The following NAIF1 variants were observed in gnomAD, a reference collection of about 807,000 sequenced individuals.
The protein encoded by NAIF1 is nuclear apoptosis-inducing factor 1.
A neutral mutation model predicts 20.7 loss-of-function variants in NAIF1; 14 were observed. The ratio of observed to expected loss-of-function variants is 0.67; its 90% CI spans 0.45 to 1.05. The LOEUF is 1.05. NAIF1 is among the 50% of genes least tolerant of loss of function. The pLI is 0.00. For missense variants in NAIF1, 362 were observed against 448.8 expected, an observed-to-expected ratio of 0.81 and a Z score of 1.75; for synonymous variants, 191 against 191.4, an observed-to-expected ratio of 1.00 and a Z score of 0.02.
chr9:128,064,935 A>G (rs756331236), intron 1 of NAIF1, among the ~76,000 whole-genome samples: 8 of 151,162 alleles, frequency 5.3e-5, no homozygotes, highest in Non-Finnish European at 1.0e-4. Context: ...ATGCCATTGC[A>G]CTCCAGCCTG....
At chr9:128,065,963 A>C (rs558071328) in intron 1 of NAIF1, among the ~76,000 whole-genome samples, 1 of 152,224 alleles carries the variant, frequency 6.6e-6, no homozygotes, top group African/African-American at 2.4e-5. Context: ...ACTGATGGCG[A>C]AGCTATTCCT....
In NAIF1 at chr9:128,063,534, A is replaced by G; in HGVS notation, c.878T>C (p.Ile293Thr). 1 of 1,610,404 alleles carries G rather than the reference A, an allele frequency of 6.2e-7. No individual in the cohort carries two copies. The highest frequency in any genetic ancestry group is 8.5e-7 in the Non-Finnish European group (1 of 1,180,008). Reference sequence around the variant, plus strand: ...CTGCAGGTAGCGGCGGAAATCTTTGATCATAGGCCGGAGGACCTGGATGAG... The same window carrying G: ...CTGCAGGTAGCGGCGGAAATCTTTGGTCATAGGCCGGAGGACCTGGATGAG... ...SVLIQVLRPM[I>T]KDFRRYLQSN... is the part of the protein sequence containing the mutation. Residue 293 changes from isoleucine to threonine, a missense_variant, in exon 2 of 2, where the codon ATC becomes ACC. By Grantham distance (89) the Ile-to-Thr change is moderately conservative (BLOSUM62 -1). Transcript: ENST00000373078. The surrounding 1 kb of genome is among the most constrained non-coding windows in gnomAD (Gnocchi z 4.3).
At chr9:128,065,132 G>C (rs1443860969) in intron 1 of NAIF1, among the ~76,000 whole-genome samples, 1 of 132,366 alleles carries the variant, frequency 7.6e-6, no homozygotes, top group Admixed American at 8.2e-5. Flanking sequence ...TTTTTGAGAC[G>C]GAGTTTTGCT....
In NAIF1 at chr9:128,063,213, G is replaced by A. The variant is rs915579872; in HGVS notation, c.*215C>T. The A allele has an allele frequency of 2.1e-5, 12 of 583,716 alleles. No homozygotes were observed. Among genetic ancestry groups the A allele is most frequent in the Non-Finnish European group, 3.7e-5 (12 of 328,088 alleles). The allele number at this position is 583,716 out of a possible 1,614,324, so 36.2% of individuals were successfully genotyped here. The stretch of plus-strand genomic sequence containing the variant: ...TGACCCCCTGCTAACCAATCTTCTG[G>A]ATCTTAGCAAGGCAGCTCAAGTAGG... On this transcript the variant is annotated 3_prime_UTR_variant, in exon 2 of 2. Coordinates refer to ENST00000373078, the MANE Select transcript of NAIF1 (RefSeq NM_197956.4). The surrounding 1 kb of genome is among the most constrained non-coding windows in gnomAD (Gnocchi z 4.3).
In NAIF1 at chr9:128,063,204, A is replaced by C. The variant is rs1268203677; in HGVS notation, c.*224T>G. On this transcript the variant is annotated 3_prime_UTR_variant, in exon 2 of 2. Coordinates refer to ENST00000373078, the MANE Select transcript of NAIF1 (RefSeq NM_197956.4). This position sits in a 1 kb window ranked among gnomAD's most constrained non-coding sequence, Gnocchi z 4.3. Reference sequence around the variant, plus strand: ...ATGCACACGTGACCCCCTGCTAACCAATCTTCTGGATCTTAGCAAGGCAGC... The same window carrying C: ...ATGCACACGTGACCCCCTGCTAACCCATCTTCTGGATCTTAGCAAGGCAGC... 1 of 576,310 alleles carries C rather than the reference A, an allele frequency of 1.7e-6. No homozygotes were observed. The highest frequency in any genetic ancestry group is 1.9e-5 in the African/African-American group (1 of 53,476). The allele number at this position is 576,310 out of a possible 1,614,324, so 35.7% of individuals were successfully genotyped here.
In NAIF1 at chr9:128,061,819, T is replaced by C. The variant is rs1489308204; in HGVS notation, c.*1609A>G. ...GAGATGCAAGGGCCTTGGTAATTGA[T>C]GGTGAGTCTGAAAATGAAACAGACA... On this transcript the variant is annotated 3_prime_UTR_variant, in exon 2 of 2. Transcript: ENST00000373078. 1 of 152,130 alleles carries C rather than the reference T, an allele frequency of 6.6e-6. No homozygotes were observed. The highest frequency in any genetic ancestry group is 1.5e-5 in the Non-Finnish European group (1 of 68,036). 9.4% of individuals were successfully genotyped at this position (152,130 alleles called of 1,614,324 possible).
Position 128,063,541 on chromosome 9 carries a change from G to T in NAIF1, c.871C>A (p.Pro291Thr), listed in dbSNP as rs201811935. 2 of 1,610,718 alleles carry T rather than the reference G, an allele frequency of 1.2e-6. No homozygotes were observed. Among genetic ancestry groups the T allele is most frequent in the East Asian group, 2.2e-5 (1 of 44,884 alleles). The stretch of plus-strand genomic sequence containing the variant: ...TAGCGGCGGAAATCTTTGATCATAG[G>T]CCGGAGGACCTGGATGAGGACGCTC... ...ALSVLIQVLRPMIKDFRRYLQ... is the reference protein window; with the variant it reads ...ALSVLIQVLRTMIKDFRRYLQ... The change falls in exon 2 of 2, where the codon CCT (proline) becomes ACT (threonine). Residue 291 changes from proline to threonine, a missense_variant. This residue lies in a region of NAIF1 where 300 missense variants were observed against 342.7 expected (regional missense o/e 0.88). Transcript: ENST00000373078. The surrounding 1 kb of genome is among the most constrained non-coding windows in gnomAD (Gnocchi z 4.3).
rs531413208 is a variant in NAIF1, at chr9:128,065,110, C to CTTT, written c.512-1213_512-1211dup. Among the ~76,000 whole-genome samples the CTTT allele has an allele frequency of 1.8e-4, 24 of 130,392 alleles. 2 individuals are homozygous for CTTT. The highest frequency in any genetic ancestry group is 4.0e-4 in the African/African-American group (14 of 35,006). The allele number at this position is 130,392 out of a possible 152,430, so 85.5% of individuals were successfully genotyped here. On this transcript the variant is annotated intron_variant, in intron 1 of 1. Coordinates refer to ENST00000373078, the MANE Select transcript of NAIF1 (RefSeq NM_197956.4). ...GTCCTACCTCCTTTGATGCTTTCTG[C>CTTT]TTTTTTTTTTTTTTTTGAGACGGAG...
chr9:128,064,674 C>T (rs1445311377), intron 1 of NAIF1, among the ~76,000 whole-genome samples: 3 of 152,126 alleles, frequency 2.0e-5, no homozygotes, highest in Non-Finnish European at 4.4e-5. Flanking sequence ...GCCCGATGTG[C>T]TCCTGACCTC....
At chr9:128,064,731 G>C (rs905826794) in intron 1 of NAIF1, among the ~76,000 whole-genome samples, 2 of 151,868 alleles carry the variant, frequency 1.3e-5, no homozygotes, top group South Asian at 2.1e-4. Context: ...GGCCGGGCGC[G>C]GTGGCTCACG....
Position 128,063,472 on chromosome 9 carries a change from C to T in NAIF1, c.940G>A (p.Gly314Arg). 2 of 1,609,710 alleles carry T rather than the reference C, an allele frequency of 1.2e-6. No individual in the cohort carries two copies. The highest frequency in any genetic ancestry group is 1.7e-6 in the Non-Finnish European group (2 of 1,179,986). ...TANPAPASDP[G>R]QVAQNGQPDS... is the part of the protein sequence containing the mutation. ...GGCTGCCCATTCTGGGCCACCTGCCCAGGGTCAGAGGCGGGGGCCGGGTTA... is the reference window on the plus strand; with the variant it reads ...GGCTGCCCATTCTGGGCCACCTGCCTAGGGTCAGAGGCGGGGGCCGGGTTA... The change falls in exon 2 of 2, where the codon GGG becomes AGG. Residue 314 changes from glycine to arginine, a missense_variant. By Grantham distance (125) the Gly-to-Arg change is moderately radical. Around this residue, in one of 3 missense-constraint regions of NAIF1, gnomAD observed 300 missense variants for 342.7 expected, o/e 0.88. Transcript: ENST00000373078. This position sits in a 1 kb window ranked among gnomAD's most constrained non-coding sequence, Gnocchi z 4.3.
In NAIF1 at chr9:128,063,869, C is replaced by T. The variant is rs763606276; in HGVS notation, c.543G>A (p.Glu181=). The T allele has an allele frequency of 6.2e-7, 1 of 1,608,756 alleles. No homozygotes were observed. Among genetic ancestry groups the T allele is most frequent in the Non-Finnish European group, 8.5e-7 (1 of 1,179,980 alleles). The change falls in exon 2 of 2, where the codon GAG becomes GAA. Residue 181 remains glutamate (E), a synonymous_variant. Coordinates refer to ENST00000373078, the MANE Select transcript of NAIF1 (RefSeq NM_197956.4). This position sits in a 1 kb window ranked among gnomAD's most constrained non-coding sequence, Gnocchi z 4.3. ...CCGTGCAGTACTCCACCACGCCCTC[C>T]TCCAGCGTGTGATAGGTGGTCTCTG... ...IPTETTYHTL[E]EGVVEYCTAE...
rs1044493288 is a variant in NAIF1, at chr9:128,061,856, G to A, written c.*1572C>T. 3.3e-5 allele frequency: 5 copies of A among 152,136 alleles called. No homozygotes were observed. Among genetic ancestry groups the A allele is most frequent in the Non-Finnish European group, 4.4e-5 (3 of 68,060 alleles). The allele number at this position is 152,136 out of a possible 1,614,324, so 9.4% of individuals were successfully genotyped here. A position where few individuals can be genotyped will look rare whatever the true frequency, so the allele number is the denominator to read the frequency against. Reference sequence around the variant, plus strand: ...AAATGAAACAGACAAATGGCATCTGGGTAAAATCCTTACAGACATCTCAGA... The same window carrying A: ...AAATGAAACAGACAAATGGCATCTGAGTAAAATCCTTACAGACATCTCAGA... On this transcript the variant is annotated 3_prime_UTR_variant, in exon 2 of 2. Transcript: ENST00000373078.
rs975674886 is a variant in NAIF1 at position 128,067,255 on chromosome 9, C to A, written c.-154G>T. On this transcript the variant is annotated 5_prime_UTR_variant, in exon 1 of 2. It adds an upstream start codon to the 5' untranslated region. Coordinates refer to ENST00000373078, the MANE Select transcript of NAIF1 (RefSeq NM_197956.4). ...AAGCACTAGGCCTTTGGTAACCCCC[C>A]TCGCTACGCAAAGTGCGTAGGGCCC... 9.6e-6 allele frequency: 9 copies of A among 935,016 alleles called. No homozygotes were observed. Among genetic ancestry groups the A allele is most frequent in the African/African-American group, 1.7e-5 (1 of 60,442 alleles). 57.9% of individuals were successfully genotyped at this position (935,016 alleles called of 1,614,324 possible).
In NAIF1 at chr9:128,061,681, G is replaced by C. The variant is rs964428962; in HGVS notation, c.*1747C>G. On this transcript the variant is annotated 3_prime_UTR_variant, in exon 2 of 2. Transcript: ENST00000373078. The stretch of plus-strand genomic sequence containing the variant: ...TGAGCATTCTAAACGTTCGTGCCCA[G>C]GAGGGCAGCGTCTTCTCTTTTTAGC... 6.6e-6 allele frequency: 1 copy of C among 152,252 alleles called. No individual in the cohort carries two copies. The highest frequency in any genetic ancestry group is 2.4e-5 in the African/African-American group (1 of 41,446). 9.4% of individuals were successfully genotyped at this position (152,252 alleles called of 1,614,324 possible).
rs1832738833 is a variant in NAIF1, at chr9:128,063,276, C to G, written c.*152G>C. ...TTGGGTCCCAGGAGCCCAACAAATT[C>G]CTCTTCTCAAAAACAGTGCAACCCC... On this transcript the variant is annotated 3_prime_UTR_variant, in exon 2 of 2. Coordinates refer to ENST00000373078, the MANE Select transcript of NAIF1 (RefSeq NM_197956.4). This position sits in a 1 kb window ranked among gnomAD's most constrained non-coding sequence, Gnocchi z 4.3. The G allele has an allele frequency of 1.4e-6, 1 of 698,258 alleles. No individual in the cohort carries two copies. The highest frequency in any genetic ancestry group is 1.8e-5 in the African/African-American group (1 of 55,764). 43.3% of individuals were successfully genotyped at this position (698,258 alleles called of 1,614,324 possible).
At position 128,063,225 on chromosome 9, in the gene NAIF1, G is replaced by A. The variant is rs1305508711; in HGVS notation, c.*203C>T. On this transcript the variant is annotated 3_prime_UTR_variant, in exon 2 of 2. Transcript: ENST00000373078. The surrounding 1 kb of genome is among the most constrained non-coding windows in gnomAD (Gnocchi z 4.3). ...AACCAATCTTCTGGATCTTAGCAAG[G>A]CAGCTCAAGTAGGGGGAGTATGAGT... 6 of 593,660 alleles carry A rather than the reference G, an allele frequency of 1.0e-5. No individual in the cohort carries two copies. The highest frequency in any genetic ancestry group is 9.3e-5 in the African/African-American group (5 of 53,774). The allele number at this position is 593,660 out of a possible 1,614,324, so 36.8% of individuals were successfully genotyped here.
At position 128,063,875 on chromosome 9, in the gene NAIF1, C is replaced by G; in HGVS notation, c.537G>C (p.Thr179=). ...TQIPTETTYH[T]LEEGVVEYCT... is the part of the protein sequence containing the mutation. ...AGTACTCCACCACGCCCTCCTCCAG[C>G]GTGTGATAGGTGGTCTCTGTGGGGA... is the stretch of plus-strand genomic sequence containing the variant. Residue 179 remains threonine (T), a synonymous_variant, in exon 2 of 2, where the codon ACG becomes ACC. Transcript: ENST00000373078. This position sits in a 1 kb window ranked among gnomAD's most constrained non-coding sequence, Gnocchi z 4.3. 1 of 1,607,612 alleles carries G rather than the reference C, an allele frequency of 6.2e-7. No homozygotes were observed. The highest frequency in any genetic ancestry group is 8.5e-7 in the Non-Finnish European group (1 of 1,179,942).
Position 128,063,214 on chromosome 9 carries a change from A to G in NAIF1, c.*214T>C. The G allele has an allele frequency of 1.7e-6, 1 of 584,592 alleles. No homozygotes were observed. The highest frequency in any genetic ancestry group is 4.5e-4 in the Middle Eastern group (1 of 2,204). The allele number at this position is 584,592 out of a possible 1,614,324, so 36.2% of individuals were successfully genotyped here. ...GACCCCCTGCTAACCAATCTTCTGG[A>G]TCTTAGCAAGGCAGCTCAAGTAGGG... On this transcript the variant is annotated 3_prime_UTR_variant, in exon 2 of 2. Coordinates refer to ENST00000373078, the MANE Select transcript of NAIF1 (RefSeq NM_197956.4). The surrounding 1 kb of genome is among the most constrained non-coding windows in gnomAD (Gnocchi z 4.3).
Sources: gnomAD v4.1 joint callset for allele counts (sites outside exome capture counted in the v4.1 genomes callset) on GRCh38, gnomAD v4.1.1 for gene constraint, gnomAD v4.1.1 regional missense constraint, Gnocchi (gnomAD v3.1) non-coding constraint, MANE v1.5 for transcripts, NCBI Gene and HGNC (gene_info 2026-07-23, HGNC 2026-07-21) for gene names.